Variants in KALRN observed in about 807,000 individuals in gnomAD.
KALRN encodes the protein kalirin RhoGEF kinase.
A neutral mutation model predicts 353.7 loss-of-function variants in KALRN; 70 were observed. That is an observed-to-expected ratio of 0.20 (90% CI 0.16 to 0.24). The LOEUF is 0.24. Among genes scored for constraint, KALRN ranks in the 10% least tolerant of loss-of-function variants. The pLI is 1.00. For synonymous variants in KALRN, 1,391 were observed against 1,434.8 expected, an observed-to-expected ratio of 0.97 and a Z score of 0.69; for missense variants, 2,791 against 3,756.7, an observed-to-expected ratio of 0.74 and a Z score of 6.72.
chr3:124,667,961 T>C (rs2085857805), intron 47 of KALRN, among the ~76,000 whole-genome samples: 2 of 151,678 alleles, frequency 1.3e-5, no homozygotes, highest in Admixed American at 6.6e-5. Context: ...CAAGCAGAAA[T>C]AGAGCTTGAA....
intron 1 of KALRN, among the ~76,000 whole-genome samples, chr3:124,181,406 A>AT (rs1277428629): frequency 2.6e-5 from 4 of 152,070 alleles, no homozygotes; most frequent in Admixed American, 6.6e-5. Context: ...GTCCTATTAC[A>AT]TTTTTTTCTG....
intron 1 of KALRN, among the ~76,000 whole-genome samples, chr3:124,225,964 T>C (rs772883976): frequency 2.0e-5 from 3 of 152,238 alleles, no homozygotes; most frequent in Non-Finnish European, 4.4e-5. Flanking sequence ...GACTGAAATT[T>C]AACTTTTATA....
intron 5 of KALRN, among the ~76,000 whole-genome samples, chr3:124,298,314 T>A (rs759661351): frequency 6.6e-6 from 1 of 152,220 alleles, no homozygotes; most frequent in African/African-American, 2.4e-5. Context: ...TGAGAAAAGC[T>A]GATTCACTTC....
intron 33 of KALRN, among the ~76,000 whole-genome samples, chr3:124,555,663 T>G (rs1477006419): frequency 6.6e-6 from 1 of 152,094 alleles, no homozygotes; most frequent in Non-Finnish European, 1.5e-5. Flanking sequence ...TAGGAATAGG[T>G]GGGCAGCCAA....
At chr3:124,567,859 C>T (rs4678133) in intron 34 of KALRN, among the ~76,000 whole-genome samples, 33,152 of 152,022 alleles carry the variant, frequency 0.22, 4,128 homozygotes, top group East Asian at 0.33. Flanking sequence ...CCTGTAGTCC[C>T]AGCTATTCAG....
At chr3:124,336,082 A>G (rs1416334059) in intron 9 of KALRN, among the ~76,000 whole-genome samples, 2 of 152,126 alleles carry the variant, frequency 1.3e-5, no homozygotes, top group African/African-American at 4.8e-5. Flanking sequence ...GTCACTGTGC[A>G]ATCAGTCCCA....
intron 48 of KALRN, among the ~76,000 whole-genome samples, 184 bp downstream of exon 48, chr3:124,672,082 T>A (rs890994198): frequency 1.3e-5 from 2 of 152,152 alleles, no homozygotes; most frequent in Admixed American, 6.5e-5. Context: ...CCCGAGTAGC[T>A]GGGACTACAG....
chr3:124,587,698 CTTTTTT>C (rs529810541), intron 34 of KALRN, among the ~76,000 whole-genome samples: 28 of 75,864 alleles, frequency 3.7e-4, no homozygotes, highest in African/African-American at 1.6e-3. Context: ...CCACCCTCCA[CTTTTTT>C]TTTTTTTTTT....
intron 13 of KALRN, among the ~76,000 whole-genome samples, chr3:124,404,854 C>T (rs1242607665): frequency 6.6e-6 from 1 of 152,038 alleles, no homozygotes. Context: ...CATCTAAGAG[C>T]CCATCATCGA....
chr3:124,375,107 A>G (rs758931804), intron 10 of KALRN, among the ~76,000 whole-genome samples: 2 of 152,270 alleles, frequency 1.3e-5, no homozygotes, highest in Middle Eastern at 6.8e-3. Context: ...AGAGAGGGAA[A>G]TGAGGGAAGG....
chr3:124,354,148 C>T (rs2083130303), intron 10 of KALRN, among the ~76,000 whole-genome samples: 1 of 152,160 alleles, frequency 6.6e-6, no homozygotes, highest in African/African-American at 2.4e-5. Flanking sequence ...TGAACTGTCA[C>T]CCACATTTGC....
chr3:124,254,980 T>C (rs974691880), intron 3 of KALRN, among the ~76,000 whole-genome samples: 7 of 152,052 alleles, frequency 4.6e-5, no homozygotes, highest in Non-Finnish European at 8.8e-5. Flanking sequence ...AGTTTTGCTC[T>C]TGTTACCCAG....
intron 51 of KALRN, among the ~76,000 whole-genome samples, chr3:124,688,771 T>G (rs1389142916): frequency 6.8e-6 from 1 of 146,486 alleles, no homozygotes; most frequent in African/African-American, 2.4e-5. Context: ...TCACCCTCAC[T>G]CTTAAGTCTT....
Position 124,061,637 on chromosome 3 carries a change from T to C in KALRN, c.73+27824T>C, listed in dbSNP as rs1349337147. Among the ~76,000 whole-genome samples, 4 of 152,244 alleles carry C rather than the reference T, an allele frequency of 2.6e-5. No individual in the cohort carries two copies. In the East Asian group the frequency reaches 7.7e-4, roughly 29 times the overall value. On this transcript the variant is annotated intron_variant, in intron 1 of 59. Transcript: ENST00000682506. ...ATGAAATAATCTAATTTTCCAAATA[T>C]GTTTTCAAGAACAGTATGTGGCTAC...
At chr3:124,567,701 C>T (rs1202665246) in intron 34 of KALRN, among the ~76,000 whole-genome samples, 2 of 152,138 alleles carry the variant, frequency 1.3e-5, no homozygotes, top group African/African-American at 4.8e-5. Context: ...TTAGAAACCA[C>T]CTGGAGGAGG....
At chr3:124,386,184 G>A (rs1191975487) in intron 11 of KALRN, among the ~76,000 whole-genome samples, 1 of 152,126 alleles carries the variant, frequency 6.6e-6, no homozygotes, top group Admixed American at 6.5e-5. Flanking sequence ...TCCTCTCTGC[G>A]GGACCTGCAG....
chr3:124,677,488 T>C (rs1036695714), intron 49 of KALRN: 1 of 431,114 alleles, frequency 2.3e-6, no homozygotes, highest in Non-Finnish European at 4.6e-6. Flanking sequence ...GAGCACACAT[T>C]AGTTCTTGTC....
chr3:124,418,400 C>T, intron 14 of KALRN, among the ~76,000 whole-genome samples: 4 of 151,758 alleles, frequency 2.6e-5, no homozygotes, highest in Admixed American at 2.6e-4. Context: ...TAAGGTACAA[C>T]CAGGGTTGAG....
intron 38 of KALRN, among the ~76,000 whole-genome samples, chr3:124,653,619 C>G (rs995030522): frequency 2.0e-5 from 3 of 152,076 alleles, no homozygotes; most frequent in African/African-American, 7.2e-5. Flanking sequence ...GTAAATTAGC[C>G]ATGGAGAAAA....
Sources: gnomAD v4.1 joint callset for allele counts (sites outside exome capture counted in the v4.1 genomes callset) on GRCh38, gnomAD v4.1.1 for gene constraint, MANE v1.5 for transcripts, NCBI Gene and HGNC (gene_info 2026-07-23, HGNC 2026-07-21) for gene names.